The following SLC6A11 variants were observed in gnomAD, a reference collection of about 807,000 sequenced individuals.
SLC6A11 encodes the protein sodium- and chloride-dependent GABA transporter 3.
Under a neutral mutation model 74.8 loss-of-function variants are expected in SLC6A11, and 25 were observed. That is an observed-to-expected ratio of 0.33 (90% CI 0.24 to 0.47). The LOEUF (loss-of-function observed/expected upper bound fraction) is 0.47. SLC6A11 is among the 20% of genes least tolerant of loss of function. The pLI is 1.00. For missense variants in SLC6A11, 574 were observed against 837.0 expected, an observed-to-expected ratio of 0.69 and a Z score of 3.88; for synonymous variants, 330 against 330.2, an observed-to-expected ratio of 1.00 and a Z score of 0.01.
chr3:10,846,339 TTAC>T (rs1694502833), intron 5 of SLC6A11, among the ~76,000 whole-genome samples: 1 of 152,196 alleles, frequency 6.6e-6, no homozygotes, highest in Admixed American at 6.5e-5. Flanking sequence ...GTTGGTATTA[TTAC>T]TACTTTTGCT....
intron 5 of SLC6A11, among the ~76,000 whole-genome samples, chr3:10,855,835 A>C (rs1217602820): frequency 6.6e-6 from 1 of 152,226 alleles, no homozygotes; most frequent in Non-Finnish European, 1.5e-5. Flanking sequence ...AAAAGAAACC[A>C]TGTGTACAAT....
At chr3:10,849,478 A>T (rs545301582) in intron 5 of SLC6A11, among the ~76,000 whole-genome samples, 13 of 152,176 alleles carry the variant, frequency 8.5e-5, no homozygotes, top group South Asian at 4.1e-4. Context: ...TTATTGACCA[A>T]GTCTGTTTTT....
At chr3:10,846,471 A>C (rs1047024120) in intron 5 of SLC6A11, among the ~76,000 whole-genome samples, 9 of 152,160 alleles carry the variant, frequency 5.9e-5, no homozygotes, top group African/African-American at 2.2e-4. Flanking sequence ...TGCTTAGGCT[A>C]TTCCGGGACC....
Position 10,929,091 on chromosome 3 carries a change from G to A in SLC6A11, c.1234-111G>A, listed in dbSNP as rs1011974632. 7.3e-6 allele frequency: 8 copies of A among 1,090,362 alleles called. No homozygotes were observed. In the African/African-American group the frequency reaches 1.1e-4, roughly 15 times the overall value. The allele number at this position is 1,090,362 out of a possible 1,614,324, so 67.5% of individuals were successfully genotyped here. On this transcript the variant is annotated intron_variant, in intron 9 of 13. Transcript: ENST00000254488. ...TCAGGCCCCTCGTCTGCATTAATGGGTGTGGGAATGAAGGAAGCCCAGGGT... is the reference window on the plus strand; with the variant it reads ...TCAGGCCCCTCGTCTGCATTAATGGATGTGGGAATGAAGGAAGCCCAGGGT...
chr3:10,911,065 C>T (rs771321998), intron 6 of SLC6A11, among the ~76,000 whole-genome samples: 1 of 152,120 alleles, frequency 6.6e-6, no homozygotes, highest in Non-Finnish European at 1.5e-5. Context: ...CTCAGGTGAT[C>T]CACCCACCTC....
rs1418717975 is a variant in SLC6A11, at chr3:10,902,931, A to C, written c.892-9159A>C. On this transcript the variant is annotated intron_variant, in intron 6 of 13. Coordinates refer to ENST00000254488, the MANE Select transcript of SLC6A11 (RefSeq NM_014229.3). The stretch of plus-strand genomic sequence containing the variant: ...GTTAGTTTATTCATCTATAAAAGGG[A>C]GATAATAAATAACAATGGCACCCAC... Among the ~76,000 whole-genome samples, 4 of 152,222 alleles carry C rather than the reference A, an allele frequency of 2.6e-5. No homozygotes were observed. In the East Asian group the frequency reaches 7.7e-4, roughly 29 times the overall value.
At chr3:10,916,650 C>T (rs1695458221) in intron 7 of SLC6A11, among the ~76,000 whole-genome samples, 1 of 152,350 alleles carries the variant, frequency 6.6e-6, no homozygotes, top group Non-Finnish European at 1.5e-5. Context: ...CATCTGCTAA[C>T]ATCCTGTTGT....
chr3:10,835,782 A>C (rs1310842273), intron 4 of SLC6A11, among the ~76,000 whole-genome samples: 6 of 152,192 alleles, frequency 3.9e-5, no homozygotes, highest in Non-Finnish European at 5.9e-5. Context: ...ACGTCTTCCC[A>C]AGTGTGTGTT....
chr3:10,873,947 C>G (rs958351741), intron 5 of SLC6A11, among the ~76,000 whole-genome samples: 4 of 149,008 alleles, frequency 2.7e-5, no homozygotes, highest in Non-Finnish European at 6.0e-5. Flanking sequence ...GCTATGCTAT[C>G]CTATGCTATG....
At chr3:10,847,556 T>C (rs986169955) in intron 5 of SLC6A11, among the ~76,000 whole-genome samples, 4 of 152,168 alleles carry the variant, frequency 2.6e-5, no homozygotes, top group Non-Finnish European at 5.9e-5. Context: ...CCTTATTTTA[T>C]GGATGAAGAA....
chr3:10,867,178 G>A (rs1317637816), intron 5 of SLC6A11, among the ~76,000 whole-genome samples: 1 of 152,138 alleles, frequency 6.6e-6, no homozygotes, highest in Non-Finnish European at 1.5e-5. Flanking sequence ...TGGGAGAGTG[G>A]GCGATGGATT....
chr3:10,850,116 G>A (rs553505414), intron 5 of SLC6A11, among the ~76,000 whole-genome samples: 23 of 152,214 alleles, frequency 1.5e-4, no homozygotes, highest in African/African-American at 5.3e-4. Context: ...TGGACTGATG[G>A]TCTAATTTAT....
intron 9 of SLC6A11, among the ~76,000 whole-genome samples, chr3:10,928,367 C>T (rs2581208): frequency 0.71 from 107,846 of 151,702 alleles, 38,744 homozygotes; most frequent in Middle Eastern, 0.78. Context: ...GTGCTCAGGG[C>T]GCAGAGGAGA....
At chr3:10,937,492 G>T (rs551867624) in intron 13 of SLC6A11, among the ~76,000 whole-genome samples, 1 of 152,236 alleles carries the variant, frequency 6.6e-6, no homozygotes, top group Non-Finnish European at 1.5e-5. Flanking sequence ...AAAAGACTTT[G>T]CAACCTTCCT....
In SLC6A11 at chr3:10,915,554, C is replaced by T. The variant is rs182438432; in HGVS notation, c.996-2775C>T. Among the ~76,000 whole-genome samples the T allele has an allele frequency of 1.1e-4, 16 of 152,180 alleles. No individual in the cohort carries two copies. Among genetic ancestry groups the T allele is most frequent in the African/African-American group, 3.1e-4 (13 of 41,522 alleles). The stretch of plus-strand genomic sequence containing the variant: ...CGACTTCAAAGCACTGTTACATAAG[C>T]GTTTTACCTAGACGTGGGAGCTGGG... On this transcript the variant is annotated intron_variant, in intron 7 of 13. Coordinates refer to ENST00000254488, the MANE Select transcript of SLC6A11 (RefSeq NM_014229.3). The surrounding 1 kb of genome is among the most constrained non-coding windows in gnomAD (Gnocchi z 4.3).
chr3:10,831,212 C>T (rs1399096178), intron 4 of SLC6A11, among the ~76,000 whole-genome samples: 1 of 152,104 alleles, frequency 6.6e-6, no homozygotes, highest in Admixed American at 6.5e-5. Context: ...ACAACAGCAA[C>T]AGAAGCCAAT....
Position 10,926,170 on chromosome 3 carries a change from G to T in SLC6A11, c.1233+54G>T. 8.2e-7 allele frequency: 1 copy of T among 1,215,732 alleles called. No individual in the cohort carries two copies. Among genetic ancestry groups the T allele is most frequent in the South Asian group, 1.3e-5 (1 of 78,254 alleles). The allele number at this position is 1,215,732 out of a possible 1,614,324, so 75.3% of individuals were successfully genotyped here. A position where few individuals can be genotyped will look rare whatever the true frequency, so the allele number is the denominator to read the frequency against. On this transcript the variant is annotated intron_variant, in intron 9 of 13. Coordinates refer to ENST00000254488, the MANE Select transcript of SLC6A11 (RefSeq NM_014229.3). This position sits in a 1 kb window ranked among gnomAD's most constrained non-coding sequence, Gnocchi z 5.7. Reference sequence around the variant, plus strand: ...GGAGGGAGGGGAGCCTGGGCCAGGAGGCCAGACGCCACCCTTAGGAGTGGC... The same window carrying T: ...GGAGGGAGGGGAGCCTGGGCCAGGATGCCAGACGCCACCCTTAGGAGTGGC...
In SLC6A11 at chr3:10,938,511, A is replaced by G; in HGVS notation, c.*109A>G. The G allele has an allele frequency of 1.7e-6, 2 of 1,191,348 alleles. No homozygotes were observed. Among genetic ancestry groups the G allele is most frequent in the Non-Finnish European group, 2.3e-6 (2 of 860,890 alleles). 73.8% of individuals were successfully genotyped at this position (1,191,348 alleles called of 1,614,324 possible). Reference sequence around the variant, plus strand: ...TGGTAGGGGCTTGCTTGTTTTGCACAGGATTAATTAACAAGTTAATTTTAA... The same window carrying G: ...TGGTAGGGGCTTGCTTGTTTTGCACGGGATTAATTAACAAGTTAATTTTAA... On this transcript the variant is annotated 3_prime_UTR_variant, in exon 14 of 14. Coordinates refer to ENST00000254488, the MANE Select transcript of SLC6A11 (RefSeq NM_014229.3).
At chr3:10,934,612 A>G (rs140775466) in intron 12 of SLC6A11, among the ~76,000 whole-genome samples, 48 of 151,500 alleles carry the variant, frequency 3.2e-4, no homozygotes, top group African/African-American at 1.1e-3. Context: ...ACATCCTATC[A>G]CTCCTTATCC....
Sources: gnomAD v4.1 joint callset for allele counts (sites outside exome capture counted in the v4.1 genomes callset) on GRCh38, gnomAD v4.1.1 for gene constraint, Gnocchi (gnomAD v3.1) non-coding constraint, MANE v1.5 for transcripts, NCBI Gene and HGNC (gene_info 2026-07-23, HGNC 2026-07-21) for gene names.